The following PJA2 variants were observed in gnomAD, a reference collection of about 807,000 sequenced individuals.
PJA2 encodes the protein E3 ubiquitin-protein ligase Praja-2.
Under a neutral mutation model 69.3 loss-of-function variants are expected in PJA2, and 25 were observed. That is an observed-to-expected ratio of 0.36 (90% CI 0.26 to 0.50). PJA2 has a LOEUF of 0.50. PJA2 is among the 20% of genes least tolerant of loss of function. PJA2 has a pLI of 0.96. For synonymous variants in PJA2, 308 were observed against 277.8 expected, an observed-to-expected ratio of 1.11 and a Z score of -1.08; for missense variants, 809 against 830.2, an observed-to-expected ratio of 0.97 and a Z score of 0.31.
At chr5:109,359,575 C>T (rs140459063) in intron 6 of PJA2, among the ~76,000 whole-genome samples, 482 of 152,286 alleles carry the variant, frequency 3.2e-3, no homozygotes, top group African/African-American at 0.011. Context: ...CAACTCAAAT[C>T]TATTCATGAC....
At position 109,368,635 on chromosome 5, in the gene PJA2, A is replaced by C; in HGVS notation, c.1395T>G (p.Asp465Glu). ...CACTTTGTAGCTCAGGTTCATTCTC[A>C]TCTTTTCCTGGCAGAGTCTCCCAGC... is the stretch of plus-strand genomic sequence containing the variant. ...DESWETLPGK[D>E]ENEPELQSDS... The change falls in exon 5 of 10, where the codon GAT (aspartate) becomes GAG (glutamate). Residue 465 changes from aspartate (D) to glutamate (E), a missense_variant. Asp to Glu is a conservative substitution (Grantham distance 45). Around this residue, in one of 4 missense-constraint regions of PJA2, gnomAD observed 700 missense variants for 639.5 expected, o/e 1.09. Coordinates refer to ENST00000361189, the MANE Select transcript of PJA2 (RefSeq NM_014819.5). The C allele has an allele frequency of 6.2e-7, 1 of 1,614,070 alleles. No individual in the cohort carries two copies. The highest frequency in any genetic ancestry group is 8.5e-7 in the Non-Finnish European group (1 of 1,179,996).
chr5:109,350,940 T>C (rs191127621), intron 7 of PJA2, among the ~76,000 whole-genome samples: 47 of 152,320 alleles, frequency 3.1e-4, no homozygotes, highest in African/African-American at 1.1e-3. Context: ...AGAATGCACC[T>C]GCAGTATATC....
intron 6 of PJA2, among the ~76,000 whole-genome samples, chr5:109,359,572 A>T (rs1487208013): frequency 1.3e-5 from 2 of 152,222 alleles, no homozygotes; most frequent in Non-Finnish European, 2.9e-5. Context: ...TCACAACTCA[A>T]ATCTATTCAT....
intron 1 of PJA2, among the ~76,000 whole-genome samples, chr5:109,398,140 AAGTC>A: frequency 6.6e-6 from 1 of 152,214 alleles, no homozygotes; most frequent in Non-Finnish European, 1.5e-5. Flanking sequence ...GATCGTTAAA[AAGTC>A]AGGAAACAAC....
chr5:109,373,828 G>A (rs377126396), intron 4 of PJA2, among the ~76,000 whole-genome samples: 13 of 152,200 alleles, frequency 8.5e-5, no homozygotes, highest in African/African-American at 2.6e-4. Flanking sequence ...AAAAAAACTT[G>A]ATATACAGAA....
At chr5:109,360,869 T>C (rs1417703149) in intron 6 of PJA2, among the ~76,000 whole-genome samples, 3 of 152,148 alleles carry the variant, frequency 2.0e-5, no homozygotes, top group Non-Finnish European at 1.5e-5. Context: ...GGCTCACACC[T>C]GTAATCCCAG....
At chr5:109,408,326 C>T (rs77329528) in intron 1 of PJA2, among the ~76,000 whole-genome samples, 4,617 of 152,192 alleles carry the variant, frequency 0.03, 91 homozygotes, top group Middle Eastern at 0.048. Flanking sequence ...TATAAATCAT[C>T]ATTTGTAATA....
intron 9 of PJA2, among the ~76,000 whole-genome samples, chr5:109,342,408 C>T (rs1332980251): frequency 7.9e-6 from 1 of 126,360 alleles, no homozygotes; most frequent in Non-Finnish European, 1.7e-5. Flanking sequence ...GCCAGCCGCC[C>T]GGTCCGGGAG....
chr5:109,372,629 G>A (rs1162528409), intron 4 of PJA2, among the ~76,000 whole-genome samples: 1 of 152,100 alleles, frequency 6.6e-6, no homozygotes, highest in Non-Finnish European at 1.5e-5. Context: ...TATAGGGCCG[G>A]GTGCAGTGGC....
chr5:109,379,854 AAAC>A (rs1404197803), intron 3 of PJA2, among the ~76,000 whole-genome samples: 34 of 152,296 alleles, frequency 2.2e-4, no homozygotes, highest in African/African-American at 7.0e-4. Flanking sequence ...TATGACTGAA[AAAC>A]AACAAAGAGA....
intron 6 of PJA2, among the ~76,000 whole-genome samples, chr5:109,356,989 C>A (rs757154052): frequency 5.9e-5 from 9 of 152,094 alleles, no homozygotes; most frequent in Non-Finnish European, 1.0e-4. Context: ...AAATTGAAAA[C>A]CGTTAAGTAT....
At chr5:109,380,821 A>G (rs1747026636) in intron 3 of PJA2, among the ~76,000 whole-genome samples, 1 of 151,300 alleles carries the variant, frequency 6.6e-6, no homozygotes, top group South Asian at 2.1e-4. Context: ...AAAAAAAAAA[A>G]AAGAACGCCA....
At chr5:109,395,626 A>C (rs79629016) in intron 1 of PJA2, among the ~76,000 whole-genome samples, 5,779 of 152,338 alleles carry the variant, frequency 0.038, 112 homozygotes, top group Middle Eastern at 0.051. Flanking sequence ...TTCCAGTGCT[A>C]AACCTGTTTG....
At chr5:109,408,376 A>C (rs1223047719) in intron 1 of PJA2, among the ~76,000 whole-genome samples, 1 of 152,254 alleles carries the variant, frequency 6.6e-6, no homozygotes, top group East Asian at 1.9e-4. Flanking sequence ...CAAAAAGGGA[A>C]TAGAATAAAT....
At chr5:109,344,412 A>G in intron 8 of PJA2, 101 bp from the exon 9 acceptor site, 1 of 1,277,770 alleles carries the variant, frequency 7.8e-7, no homozygotes. Flanking sequence ...TGAAAGACGA[A>G]AGAGCCAGTC....
intron 9 of PJA2, among the ~76,000 whole-genome samples, chr5:109,337,752 T>C (rs2416207): frequency 0.029 from 4,488 of 152,176 alleles, 99 homozygotes; most frequent in Non-Finnish European, 0.04. Context: ...TAGTCTATTA[T>C]GCGTTTACTA....
At chr5:109,354,025 A>G (rs1288307856) in intron 7 of PJA2, among the ~76,000 whole-genome samples, 1 of 106,392 alleles carries the variant, frequency 9.4e-6, no homozygotes, top group Non-Finnish European at 2.4e-5. Flanking sequence ...GATATCTATG[A>G]TATCTAGAGA....
intron 5 of PJA2, among the ~76,000 whole-genome samples, chr5:109,365,610 A>C (rs1372182757): frequency 6.6e-6 from 1 of 151,954 alleles, no homozygotes. Context: ...CTGTAATTTC[A>C]TCTGTTTATC....
chr5:109,347,472 A>G (rs1240731744), intron 7 of PJA2, among the ~76,000 whole-genome samples: 1 of 152,200 alleles, frequency 6.6e-6, no homozygotes, highest in Non-Finnish European at 1.5e-5. Flanking sequence ...CTCTTGAAGC[A>G]CATGCTGCTT....
Sources: gnomAD v4.1 joint callset for allele counts (sites outside exome capture counted in the v4.1 genomes callset) on GRCh38, gnomAD v4.1.1 for gene constraint, gnomAD v4.1.1 regional missense constraint, MANE v1.5 for transcripts, NCBI Gene and HGNC (gene_info 2026-07-23, HGNC 2026-07-21) for gene names.